The following ANKRD12 variants were observed in gnomAD, a reference collection of about 807,000 sequenced individuals.
The protein encoded by ANKRD12 is ankyrin repeat domain 12.
ANKRD12 carries 85 observed loss-of-function variants against 183.4 expected under a neutral mutation model. The observed-to-expected ratio is 0.46, with a 90% CI of 0.39 to 0.56. The LOEUF (loss-of-function observed/expected upper bound fraction) is 0.56. ANKRD12 is among the 20% of genes least tolerant of loss of function. The pLI, the probability that ANKRD12 is intolerant of heterozygous loss-of-function variation, is 0.00. For missense variants in ANKRD12, 2,405 were observed against 2,357.1 expected, an observed-to-expected ratio of 1.02 and a Z score of -0.42; for synonymous variants, 914 against 800.2, an observed-to-expected ratio of 1.14 and a Z score of -2.40.
At chr18:9,214,176 C>A (rs1325947550) in intron 6 of ANKRD12, among the ~76,000 whole-genome samples, 1 of 152,060 alleles carries the variant, frequency 6.6e-6, no homozygotes, top group Admixed American at 6.5e-5. Flanking sequence ...AAATTAAATA[C>A]ATTATAAGTG....
intron 1 of ANKRD12, among the ~76,000 whole-genome samples, chr18:9,177,267 A>G (rs1312632417): frequency 6.6e-6 from 1 of 152,118 alleles, no homozygotes; most frequent in East Asian, 1.9e-4. Context: ...TGAAGATAAC[A>G]CCAAGTATTC....
chr18:9,263,901 TA>T lies in ANKRD12; in HGVS notation c.5763+16del. On this transcript the variant is annotated intron_variant, in intron 10 of 12. Coordinates refer to ENST00000262126, the MANE Select transcript of ANKRD12 (RefSeq NM_015208.5). ...CAGTATTGAAAGGGTAAGAAATGTTTAAATTTACACTTATGCTAAAAATAAC... is the reference window on the plus strand; with the variant it reads ...CAGTATTGAAAGGGTAAGAAATGTTTAATTTACACTTATGCTAAAAATAAC... 7.1e-7 allele frequency: 1 copy of T among 1,415,416 alleles called. No homozygotes were observed. Among genetic ancestry groups the T allele is most frequent in the Non-Finnish European group, 9.7e-7 (1 of 1,031,812 alleles). The allele number at this position is 1,415,416 out of a possible 1,614,324, so 87.7% of individuals were successfully genotyped here. A position where few individuals can be genotyped will look rare whatever the true frequency, so the allele number is the denominator to read the frequency against.
intron 11 of ANKRD12, 147 bp from the exon 12 acceptor site, chr18:9,279,402 C>T: frequency 1.9e-6 from 1 of 529,380 alleles, no homozygotes; most frequent in East Asian, 3.6e-5. Flanking sequence ...AAAGTTTTAC[C>T]AACTTCAGCA....
intron 1 of ANKRD12, among the ~76,000 whole-genome samples, chr18:9,152,532 C>CT (rs949292360): frequency 6.6e-4 from 97 of 147,148 alleles, no homozygotes; most frequent in Middle Eastern, 3.4e-3. Context: ...TAGTGGTCTG[C>CT]TTTTTTTTTT....
At chr18:9,140,540 T>C (rs1487973928) in intron 1 of ANKRD12, among the ~76,000 whole-genome samples, 1 of 152,344 alleles carries the variant, frequency 6.6e-6, no homozygotes, top group East Asian at 1.9e-4. Flanking sequence ...AGACAGTGGC[T>C]TTTTAAAAGT....
At chr18:9,276,323 A>G (rs1290654418) in intron 11 of ANKRD12, among the ~76,000 whole-genome samples, 1 of 152,210 alleles carries the variant, frequency 6.6e-6, no homozygotes, top group East Asian at 1.9e-4. Context: ...TACAAAGGAT[A>G]ATAGGGTATA....
chr18:9,240,133 T>C (rs1445510103), intron 8 of ANKRD12, among the ~76,000 whole-genome samples: 1 of 152,222 alleles, frequency 6.6e-6, no homozygotes, highest in Non-Finnish European at 1.5e-5. Context: ...GGTTTAGTAA[T>C]AAACAATTTG....
intron 1 of ANKRD12, among the ~76,000 whole-genome samples, chr18:9,148,014 A>G (rs981358170): frequency 5.3e-5 from 8 of 152,256 alleles, no homozygotes; most frequent in African/African-American, 1.9e-4. Flanking sequence ...CTTTTTCCCT[A>G]TTGACAGTGA....
At chr18:9,195,813 A>G in intron 3 of ANKRD12, 115 bp downstream of exon 3, 1 of 955,624 alleles carries the variant, frequency 1.0e-6, no homozygotes, top group Non-Finnish European at 1.5e-6. Context: ...TTTGTATTTC[A>G]CTATTTCAGA....
chr18:9,275,476 A>G (rs1476959406), intron 10 of ANKRD12, 48 bp from the exon 11 acceptor site: 4 of 1,575,196 alleles, frequency 2.5e-6, no homozygotes, highest in Non-Finnish European at 3.5e-6. Flanking sequence ...GTTCTTAAAC[A>G]AAAATTTGTT....
chr18:9,162,487 T>C (rs181776157), intron 1 of ANKRD12, among the ~76,000 whole-genome samples: 12 of 152,334 alleles, frequency 7.9e-5, no homozygotes, highest in Admixed American at 7.8e-4. Context: ...TCTTTGCTAT[T>C]GTGAAGAGTG....
chr18:9,194,235 A>G (rs1280884785), intron 2 of ANKRD12, among the ~76,000 whole-genome samples: 3 of 152,154 alleles, frequency 2.0e-5, no homozygotes, highest in African/African-American at 7.2e-5. Flanking sequence ...TAGGTCTGAG[A>G]TGATGCCTGA....
chr18:9,147,932 G>C (rs2078547628), intron 1 of ANKRD12, among the ~76,000 whole-genome samples: 1 of 152,148 alleles, frequency 6.6e-6, no homozygotes, highest in South Asian at 2.1e-4. Context: ...AGAAGAGAAA[G>C]GAGATGGCAG....
At chr18:9,165,230 C>G (rs902090097) in intron 1 of ANKRD12, among the ~76,000 whole-genome samples, 1 of 151,956 alleles carries the variant, frequency 6.6e-6, no homozygotes, top group Non-Finnish European at 1.5e-5. Context: ...CTGCTTTTTT[C>G]TGTTTTCCAT....
At chr18:9,243,231 GA>G (rs1350189971) in intron 8 of ANKRD12, among the ~76,000 whole-genome samples, 1 of 152,124 alleles carries the variant, frequency 6.6e-6, no homozygotes, top group Non-Finnish European at 1.5e-5. Context: ...CACTCAATAG[GA>G]GACATAGAGT....
chr18:9,143,429 T>TA (rs777178583), intron 1 of ANKRD12, among the ~76,000 whole-genome samples: 84 of 152,184 alleles, frequency 5.5e-4, no homozygotes, highest in Admixed American at 1.2e-3. Flanking sequence ...CCAGGATTTG[T>TA]AAAAACATCT....
intron 11 of ANKRD12, among the ~76,000 whole-genome samples, chr18:9,278,790 A>T (rs1174711237): frequency 6.6e-6 from 1 of 152,120 alleles, no homozygotes; most frequent in Non-Finnish European, 1.5e-5. Flanking sequence ...TCTCAAAAAA[A>T]AAAAAGAAAA....
At chr18:9,260,201 A>C (rs2038882950) in intron 9 of ANKRD12, 1 of 152,178 alleles carries the variant, frequency 6.6e-6, no homozygotes, top group South Asian at 2.1e-4. Context: ...CATTTTATAA[A>C]AGTAATCTTC....
At chr18:9,139,054 G>T (rs1006136585) in intron 1 of ANKRD12, among the ~76,000 whole-genome samples, 29 of 152,170 alleles carry the variant, frequency 1.9e-4, no homozygotes, top group African/African-American at 6.8e-4. Flanking sequence ...ATAGTAGTTG[G>T]TAAGAATTAG....
Sources: allele counts gnomAD v4.1 joint callset (sites outside exome capture counted in the v4.1 genomes callset), GRCh38; gene constraint gnomAD v4.1.1; transcripts MANE v1.5; gene names NCBI Gene and HGNC (gene_info 2026-07-23, HGNC 2026-07-21).